ADARB2: variants seen among roughly 807,000 people sequenced by gnomAD.
The protein encoded by ADARB2 is inactive double-stranded RNA-specific editase B2.
In ADARB2, 25 loss-of-function variants were observed where a neutral mutation model predicts 62.2. That is an observed-to-expected ratio of 0.40 (90% CI 0.29 to 0.56). The LOEUF (loss-of-function observed/expected upper bound fraction) is 0.56, where lower values mean the gene tolerates loss of function less well. ADARB2 is among the 20% of genes least tolerant of loss of function. The pLI, the probability that ADARB2 is intolerant of heterozygous loss-of-function variation, is 0.43. For synonymous variants in ADARB2, 572 were observed against 500.8 expected, an observed-to-expected ratio of 1.14 and a Z score of -1.90; for missense variants, 1,071 against 1,077.4, an observed-to-expected ratio of 0.99 and a Z score of 0.08.
intron 6 of ADARB2, among the ~76,000 whole-genome samples, chr10:1,220,811 T>C (rs1263778065): frequency 6.6e-6 from 1 of 152,252 alleles, no homozygotes; most frequent in African/African-American, 2.4e-5. Context: ...TGAAGTACAC[T>C]TGATAGCCTG....
At chr10:1,658,382 T>C (rs1165632861) in intron 1 of ADARB2, among the ~76,000 whole-genome samples, 2 of 152,016 alleles carry the variant, frequency 1.3e-5, no homozygotes, top group African/African-American at 4.8e-5. Context: ...TCTCTCTGTG[T>C]ATCTCTTGTC....
At chr10:1,183,393 C>G in intron 9 of ADARB2, 24 bp from the exon 10 acceptor site, 1 of 1,598,146 alleles carries the variant, frequency 6.3e-7, no homozygotes, top group Non-Finnish European at 8.6e-7. Flanking sequence ...GGAGAAAGAG[C>G]CAATCAGACA....
At chr10:1,591,675 A>ACACACACG (rs754417793) in intron 1 of ADARB2, among the ~76,000 whole-genome samples, 2 of 151,568 alleles carry the variant, frequency 1.3e-5, no homozygotes, top group African/African-American at 4.9e-5. Flanking sequence ...ACACACACAC[A>ACACACACG]CACGCACACA....
intron 1 of ADARB2, among the ~76,000 whole-genome samples, chr10:1,442,939 G>C (rs1830922755): frequency 6.6e-6 from 1 of 152,204 alleles, no homozygotes; most frequent in Non-Finnish European, 1.5e-5. Flanking sequence ...CGAGTTGACT[G>C]TACTTAAACT....
chr10:1,563,090 G>A (rs1414030720), intron 1 of ADARB2, among the ~76,000 whole-genome samples: 1 of 152,034 alleles, frequency 6.6e-6, no homozygotes, highest in Non-Finnish European at 1.5e-5. Context: ...CCTTTGAGCT[G>A]TCCAGGGTGA....
At chr10:1,332,236 T>A (rs1321181482) in intron 3 of ADARB2, among the ~76,000 whole-genome samples, 1 of 152,018 alleles carries the variant, frequency 6.6e-6, no homozygotes, top group Non-Finnish European at 1.5e-5. Flanking sequence ...AGACCTCATC[T>A]CCACAAAACA....
chr10:1,242,235 C>T lies in ADARB2; in HGVS notation c.1257G>A (p.Glu419=). 1.3e-6 allele frequency: 2 copies of T among 1,598,694 alleles called. No individual in the cohort carries two copies. The highest frequency in any genetic ancestry group is 8.5e-7 in the Non-Finnish European group (1 of 1,174,046). Residue 419 remains glutamate (E), a synonymous_variant, in exon 5 of 10, where the codon GAG becomes GAA. Transcript: ENST00000381312. ...CCACCAGCCCCTGGTCACTGAGGTG[C>T]TCGCCGCTGATGCACTTGGTCCCCG... The part of the protein sequence containing the change: ...LSSGTKCISG[E]HLSDQGLVVN...
chr10:1,688,781 C>T lies in ADARB2; in HGVS notation c.100+48270G>A, dbSNP rs78880137. Reference sequence around the variant, plus strand: ...CGTTAGCGCTGACTCAACCCTGACCCTGTCTCATCACTGACATCACAAAGC... The same window carrying T: ...CGTTAGCGCTGACTCAACCCTGACCTTGTCTCATCACTGACATCACAAAGC... On this transcript the variant is annotated intron_variant, in intron 1 of 9. Transcript: ENST00000381312. Among the ~76,000 whole-genome samples, 72 of 152,356 alleles carry T rather than the reference C, an allele frequency of 4.7e-4. No homozygotes were observed. In the East Asian group the frequency reaches 0.014, roughly 29 times the overall value.
intron 1 of ADARB2, among the ~76,000 whole-genome samples, chr10:1,445,718 A>G (rs1408579399): frequency 6.6e-6 from 1 of 152,242 alleles, no homozygotes; most frequent in African/African-American, 2.4e-5. Context: ...TCAGTGGTGC[A>G]AATAAGAACA....
At chr10:1,574,366 G>A (rs1229229496) in intron 1 of ADARB2, among the ~76,000 whole-genome samples, 1 of 152,226 alleles carries the variant, frequency 6.6e-6, no homozygotes, top group East Asian at 1.9e-4. Context: ...GGGACATGGC[G>A]AAAGGTGGAG....
At chr10:1,594,394 A>T (rs1833305021) in intron 1 of ADARB2, among the ~76,000 whole-genome samples, 1 of 152,142 alleles carries the variant, frequency 6.6e-6, no homozygotes. Context: ...ACATAGCTGT[A>T]GGTTTCTCTC....
At chr10:1,455,507 C>T (rs1831085795) in intron 1 of ADARB2, among the ~76,000 whole-genome samples, 1 of 151,854 alleles carries the variant, frequency 6.6e-6, no homozygotes, top group Non-Finnish European at 1.5e-5. Flanking sequence ...AAAAAGAAAA[C>T]AATTTGATGT....
chr10:1,371,037 C>A (rs1588235508), intron 2 of ADARB2, among the ~76,000 whole-genome samples: 1 of 152,168 alleles, frequency 6.6e-6, no homozygotes, highest in African/African-American at 2.4e-5. Flanking sequence ...TATCACATTG[C>A]CTGACTTTAA....
chr10:1,644,822 A>G (rs1834019010), intron 1 of ADARB2, among the ~76,000 whole-genome samples: 1 of 152,198 alleles, frequency 6.6e-6, no homozygotes, highest in Admixed American at 6.5e-5. Context: ...CTGGATTTTC[A>G]CTTTGTTTTG....
intron 1 of ADARB2, among the ~76,000 whole-genome samples, chr10:1,429,218 A>C (rs1830752622): frequency 6.6e-6 from 1 of 152,202 alleles, no homozygotes; most frequent in East Asian, 1.9e-4. Flanking sequence ...AGTCTAATTA[A>C]AAATTGTTAA....
At chr10:1,219,849 ATGGTGATGATGATGGTAATGGTGG>A in intron 6 of ADARB2, among the ~76,000 whole-genome samples, 1 of 112,310 alleles carries the variant, frequency 8.9e-6, no homozygotes, top group African/African-American at 3.1e-5. Context: ...GATGATGGTG[ATGGTGATGATGATGGTAATGGTGG>A]TGGTGATGAT....
intron 1 of ADARB2, among the ~76,000 whole-genome samples, chr10:1,462,982 G>A (rs572617270): frequency 2.0e-5 from 3 of 147,688 alleles, no homozygotes; most frequent in South Asian, 2.3e-4. Context: ...CCTCCACTCC[G>A]GATGCAGTAG....
rs376027924 is a variant in ADARB2, at chr10:1,325,710, T to C, written c.1077+37318A>G. Among the ~76,000 whole-genome samples the C allele has an allele frequency of 1.1e-4, 16 of 152,262 alleles. 1 individual carries two copies. In the East Asian group the frequency reaches 2.3e-3, roughly 22 times the overall value. ...AGACAGCCCCTGAAGTCCTCCCACATCTTTCTTGTACTAGAGACTCAAGCT... is the reference window on the plus strand; with the variant it reads ...AGACAGCCCCTGAAGTCCTCCCACACCTTTCTTGTACTAGAGACTCAAGCT... On this transcript the variant is annotated intron_variant, in intron 3 of 9. Coordinates refer to ENST00000381312, the MANE Select transcript of ADARB2 (RefSeq NM_018702.4).
Position 1,622,281 on chromosome 10 carries a change from G to A in ADARB2, c.100+114770C>T, listed in dbSNP as rs148616757. Among the ~76,000 whole-genome samples the A allele has an allele frequency of 5.9e-3, 904 of 152,154 alleles. 10 individuals are homozygous for A. Among genetic ancestry groups the A allele is most frequent in the African/African-American group, 0.021 (856 of 41,502 alleles). On this transcript the variant is annotated intron_variant, in intron 1 of 9. Transcript: ENST00000381312. ...AAAAAATCTTTATTAGCTTGAATTTGGCAAATAATTCTTAGACACAACATA... is the reference window on the plus strand; with the variant it reads ...AAAAAATCTTTATTAGCTTGAATTTAGCAAATAATTCTTAGACACAACATA...
Sources: gnomAD v4.1 joint callset for allele counts (sites outside exome capture counted in the v4.1 genomes callset) on GRCh38, gnomAD v4.1.1 for gene constraint, MANE v1.5 for transcripts, NCBI Gene and HGNC (gene_info 2026-07-23, HGNC 2026-07-21) for gene names.